NBEA: variants seen among roughly 807,000 people sequenced by gnomAD.
The protein encoded by NBEA is neurobeachin.
In NBEA, 44 loss-of-function variants were observed where a neutral mutation model predicts 343.4. The observed-to-expected ratio is 0.13, with a 90% CI of 0.10 to 0.16. The LOEUF (loss-of-function observed/expected upper bound fraction) is 0.16. NBEA is among the 10% of genes least tolerant of loss of function. NBEA has a pLI of 1.00. For synonymous variants in NBEA, 1,175 were observed against 1,238.7 expected (o/e 0.95, Z 1.08); for missense variants, 2,555 against 3,631.3 (o/e 0.70, Z 7.62).
chr13:35,070,682 A>G, intron 9 of NBEA, 37 bp from the exon 10 acceptor site: 1 of 1,523,826 alleles, frequency 6.6e-7, no homozygotes, highest in Non-Finnish European at 9.0e-7. Flanking sequence ...AAATCATTCT[A>G]TAGAAGTTTA....
At chr13:35,400,462 G>A (rs1303784467) in intron 38 of NBEA, among the ~76,000 whole-genome samples, 2 of 151,842 alleles carry the variant, frequency 1.3e-5, no homozygotes, top group African/African-American at 4.8e-5. Flanking sequence ...AAAAAAGAAA[G>A]GAGACATCTA....
At chr13:35,511,296 C>G (rs971860572) in intron 41 of NBEA, among the ~76,000 whole-genome samples, 1 of 152,146 alleles carries the variant, frequency 6.6e-6, no homozygotes, top group Non-Finnish European at 1.5e-5. Flanking sequence ...CTTACAATGA[C>G]TGGACTTTAA....
In NBEA at chr13:35,509,147, A is replaced by G. The variant is rs141772413; in HGVS notation, c.6585+36611A>G. Among the ~76,000 whole-genome samples the G allele has an allele frequency of 5.9e-5, 9 of 152,294 alleles. No individual in the cohort carries two copies. The East Asian group carries it at 1.7e-3, about 30-fold the overall frequency. ...GGCGTATGCCTGCCTGACCGTGGCT[A>G]TGGTTCTGCAAACCCAACCTTGTGG... On this transcript the variant is annotated intron_variant, in intron 41 of 58. Coordinates refer to ENST00000379939, the MANE Select transcript of NBEA (RefSeq NM_001385012.1).
intron 41 of NBEA, among the ~76,000 whole-genome samples, chr13:35,522,889 G>A (rs895019403): frequency 2.7e-5 from 4 of 149,156 alleles, no homozygotes; most frequent in Admixed American, 1.3e-4. Flanking sequence ...TCCGTGGAAC[G>A]GGTTCCTGGT....
chr13:35,053,385 A>G (rs2063134212), intron 6 of NBEA, among the ~76,000 whole-genome samples: 1 of 152,052 alleles, frequency 6.6e-6, no homozygotes, highest in South Asian at 2.1e-4. Flanking sequence ...ACCACTGTCT[A>G]CTGAACAGTT....
At chr13:35,660,866 G>A (rs2085058413) in intron 55 of NBEA, among the ~76,000 whole-genome samples, 2 of 152,212 alleles carry the variant, frequency 1.3e-5, no homozygotes, top group African/African-American at 4.8e-5. Context: ...TTTAGCATAT[G>A]TTAAACCATC....
intron 47 of NBEA, among the ~76,000 whole-genome samples, chr13:35,602,375 A>G (rs1164022447): frequency 1.4e-4 from 22 of 152,182 alleles, no homozygotes; most frequent in Non-Finnish European, 4.4e-5. Flanking sequence ...TGCTTCAGCT[A>G]CTTCTCCCTA....
chr13:35,308,446 A>ATATATATATATATATATATG (rs2037055265), intron 35 of NBEA, among the ~76,000 whole-genome samples: 4 of 91,872 alleles, frequency 4.4e-5, no homozygotes, highest in African/African-American at 1.9e-4. Flanking sequence ...TACTATATAT[A>ATATATATATATATATATATG]TATATATATA....
chr13:35,098,523 G>T, intron 11 of NBEA, 118 bp downstream of exon 11: 1 of 604,934 alleles, frequency 1.7e-6, no homozygotes, highest in Non-Finnish European at 2.8e-6. Context: ...TATACTATTT[G>T]CTAATTCACA....
intron 34 of NBEA, among the ~76,000 whole-genome samples, chr13:35,252,003 A>G (rs2032032071): frequency 6.6e-6 from 1 of 152,182 alleles, no homozygotes; most frequent in African/African-American, 2.4e-5. Context: ...ACTCTATCAA[A>G]TGAAGCACTT....
intron 41 of NBEA, among the ~76,000 whole-genome samples, chr13:35,480,422 A>G (rs1010302400): frequency 1.3e-5 from 2 of 152,130 alleles, no homozygotes; most frequent in African/African-American, 4.8e-5. Context: ...TTCATCTGGA[A>G]AAAAGGTATC....
intron 1 of NBEA, among the ~76,000 whole-genome samples, chr13:35,029,654 C>T (rs184141280): frequency 6.6e-6 from 1 of 151,590 alleles, no homozygotes; most frequent in Admixed American, 6.6e-5. Flanking sequence ...GCGTATGATC[C>T]TAATAATCTA....
At chr13:35,023,169 A>G (rs1265031240) in intron 1 of NBEA, among the ~76,000 whole-genome samples, 4 of 152,158 alleles carry the variant, frequency 2.6e-5, no homozygotes, top group African/African-American at 9.7e-5. Flanking sequence ...CAAGGCTAAA[A>G]GGATAATATG....
At chr13:35,064,010 T>A (rs1331143732) in intron 8 of NBEA, among the ~76,000 whole-genome samples, 1 of 151,978 alleles carries the variant, frequency 6.6e-6, no homozygotes, top group Non-Finnish European at 1.5e-5. Flanking sequence ...AAATAAGTTT[T>A]GGCAGAGAAG....
At chr13:35,192,990 A>G (rs1051882825) in intron 30 of NBEA, among the ~76,000 whole-genome samples, 4 of 151,948 alleles carry the variant, frequency 2.6e-5, no homozygotes, top group East Asian at 1.9e-4. Context: ...TAAGTGTTAG[A>G]TATGATTGTA....
chr13:35,398,769 G>A (rs963378081), intron 38 of NBEA, among the ~76,000 whole-genome samples: 1 of 151,812 alleles, frequency 6.6e-6, no homozygotes, highest in Non-Finnish European at 1.5e-5. Context: ...ACACTTAAGG[G>A]CCCTAGAATT....
rs576301682 is a variant in NBEA, at chr13:35,416,993, G to A, written c.6180-15276G>A. Among the ~76,000 whole-genome samples the A allele has an allele frequency of 1.3e-4, 19 of 151,952 alleles. No homozygotes were observed. The South Asian group carries it at 1.5e-3, about 12-fold the overall frequency. On this transcript the variant is annotated intron_variant, in intron 38 of 58. Coordinates refer to ENST00000379939, the MANE Select transcript of NBEA (RefSeq NM_001385012.1). ...GGTGTATGTGTTCAGGAATTTATCC[G>A]TTTCTTCTAGATTTTCTAGTTTATT...
At chr13:35,670,411 G>A (rs753489087) in intron 58 of NBEA, among the ~76,000 whole-genome samples, 1 of 152,190 alleles carries the variant, frequency 6.6e-6, no homozygotes, top group African/African-American at 2.4e-5. Flanking sequence ...TTGGCAATGG[G>A]AAATCAGCAT....
At chr13:35,333,947 G>T (rs948442225) in intron 36 of NBEA, among the ~76,000 whole-genome samples, 1 of 151,880 alleles carries the variant, frequency 6.6e-6, no homozygotes, top group Non-Finnish European at 1.5e-5. Context: ...TTCATCTGTT[G>T]TTGGACATTT....
Sources: allele counts gnomAD v4.1 joint callset (sites outside exome capture counted in the v4.1 genomes callset), GRCh38; gene constraint gnomAD v4.1.1; transcripts MANE v1.5; gene names NCBI Gene and HGNC (gene_info 2026-07-23, HGNC 2026-07-21).